The following EXOC6 variants were observed in gnomAD, a reference collection of about 807,000 sequenced individuals.
The protein encoded by EXOC6 is SEC15-like 1.
Under a neutral mutation model 112.5 loss-of-function variants are expected in EXOC6, and 60 were observed. The observed-to-expected ratio is 0.53, with a 90% CI of 0.43 to 0.66. The LOEUF is 0.66. Ranked by LOEUF, EXOC6 falls within the 30% of genes least tolerant of loss-of-function variation. EXOC6 has a pLI of 0.00. For missense variants in EXOC6, 855 were observed against 957.1 expected (o/e 0.89, Z 1.41); for synonymous variants, 295 against 308.0 (o/e 0.96, Z 0.44).
chr10:92,831,314 A>G, upstream of EXOC6: 1 of 1,288,944 alleles, frequency 7.8e-7, no homozygotes, highest in Non-Finnish European at 1.0e-6. Flanking sequence ...GTACCGGAAG[A>G]GGATGAATGT....
At chr10:93,007,902 C>T (rs1322574442) in intron 19 of EXOC6, among the ~76,000 whole-genome samples, 1 of 151,944 alleles carries the variant, frequency 6.6e-6, no homozygotes, top group Non-Finnish European at 1.5e-5. Context: ...AGGCCGGGTG[C>T]GGTGGCTCAC....
rs5787032 is a variant in EXOC6, at chr10:93,051,147, CTT to C, written c.2170-5766_2170-5765del. Among the ~76,000 whole-genome samples, 8 of 146,980 alleles carry C rather than the reference CTT, an allele frequency of 5.4e-5. No individual in the cohort carries two copies. The East Asian group carries it at 5.9e-4, about 11-fold the overall frequency. ...ATTATGTAAATTTTACTGTATTCCT[CTT>C]TTTTTTTTTTCAAATTCCAAACTCA... On this transcript the variant is annotated intron_variant, in intron 20 of 21. Transcript: ENST00000260762.
At chr10:93,025,862 A>G (rs1845002539) in intron 20 of EXOC6, among the ~76,000 whole-genome samples, 1 of 152,208 alleles carries the variant, frequency 6.6e-6, no homozygotes, top group Non-Finnish European at 1.5e-5. Flanking sequence ...CCAGTACCTC[A>G]AAAGAGAGCC....
At chr10:92,954,450 C>T (rs1250464966) in intron 15 of EXOC6, among the ~76,000 whole-genome samples, 180 bp from the exon 16 acceptor site, 2 of 152,000 alleles carry the variant, frequency 1.3e-5, no homozygotes, top group Non-Finnish European at 2.9e-5. Context: ...TGGAAAATGT[C>T]CCTTTTGCAA....
At chr10:93,009,420 T>TTA (rs550048872) in intron 19 of EXOC6, among the ~76,000 whole-genome samples, 45 of 152,330 alleles carry the variant, frequency 3.0e-4, no homozygotes, top group African/African-American at 8.9e-4. Context: ...TGAATACTCA[T>TTA]TATAAGTCAG....
rs181568338 is a variant in EXOC6, at chr10:92,918,005, T to G, written c.820-1977T>G. Among the ~76,000 whole-genome samples the G allele has an allele frequency of 3.9e-3, 594 of 152,132 alleles. 3 individuals are homozygous for G. Among genetic ancestry groups the G allele is most frequent in the African/African-American group, 0.013 (549 of 41,516 alleles). On this transcript the variant is annotated intron_variant, in intron 7 of 21. Coordinates refer to ENST00000260762, the MANE Select transcript of EXOC6 (RefSeq NM_019053.6). ...TTTCCTACAAAAAATACAAAAAAATTGCCAGGCATAGTGCCTGTATTCCCA... is the reference window on the plus strand; with the variant it reads ...TTTCCTACAAAAAATACAAAAAAATGGCCAGGCATAGTGCCTGTATTCCCA...
At chr10:92,851,676 A>AC (rs1489216737) in intron 1 of EXOC6, among the ~76,000 whole-genome samples, 9 of 151,956 alleles carry the variant, frequency 5.9e-5, no homozygotes, top group African/African-American at 2.2e-4. Flanking sequence ...AAACAAACAA[A>AC]AAAAAAACAA....
chr10:92,957,791 A>G (rs1045527976), intron 17 of EXOC6, among the ~76,000 whole-genome samples: 9 of 152,220 alleles, frequency 5.9e-5, no homozygotes, highest in Non-Finnish European at 1.2e-4. Flanking sequence ...TGTTAAATCA[A>G]TATTAAAGTG....
rs774517311 is a variant in EXOC6, at chr10:92,934,319, G to T, written c.1029G>T (p.Val343=). Residue 343 remains valine, a synonymous_variant, in exon 11 of 22, where the codon GTG becomes GTT. Transcript: ENST00000260762. ...TAATTACTGTTTTTAGGTTCTTTGT[G>T]GTAGAAGATCACATTTTACATGTGA... The part of the protein sequence containing the change: ...RYFTQIVGFF[V]VEDHILHVTQ... 3.8e-6 allele frequency: 6 copies of T among 1,578,230 alleles called. 1 individual carries two copies. The South Asian group carries it at 4.8e-5, about 13-fold the overall frequency.
intron 1 of EXOC6, among the ~76,000 whole-genome samples, chr10:92,864,916 A>G (rs1374632496): frequency 6.6e-6 from 1 of 152,036 alleles, no homozygotes; most frequent in Non-Finnish European, 1.5e-5. Flanking sequence ...TCCTGTAATA[A>G]ATCTTTTATA....
chr10:92,868,812 CCTCT>C (rs1167892944), intron 1 of EXOC6, among the ~76,000 whole-genome samples: 1 of 150,228 alleles, frequency 6.7e-6, no homozygotes, highest in Non-Finnish European at 1.5e-5. Flanking sequence ...TCCCTCCCTC[CCTCT>C]TTTTTTTTTT....
chr10:93,043,155 TTGAACTTC>T (rs1474672697), intron 20 of EXOC6, among the ~76,000 whole-genome samples: 2 of 152,066 alleles, frequency 1.3e-5, no homozygotes, highest in African/African-American at 2.4e-5. Context: ...CAGGCTGGTC[TTGAACTTC>T]TGACCTCGTG....
At chr10:92,995,536 T>C (rs910562874) in intron 18 of EXOC6, among the ~76,000 whole-genome samples, 12 of 152,200 alleles carry the variant, frequency 7.9e-5, no homozygotes, top group African/African-American at 2.9e-4. Flanking sequence ...CACTAGTTGT[T>C]CCATTAGGTC....
chr10:92,940,733 G>A lies in EXOC6; in HGVS notation c.1219G>A (p.Gly407Ser), dbSNP rs1387800528. 2 of 1,544,252 alleles carry A rather than the reference G, an allele frequency of 1.3e-6. No homozygotes were observed. Among genetic ancestry groups the A allele is most frequent in the Non-Finnish European group, 1.8e-6 (2 of 1,135,410 alleles). ...TTTTTTTTTTGTATTTTAGGGTTAT[G>A]GTTTTCCAGTGAACCGACTTTTTGA... is the stretch of plus-strand genomic sequence containing the variant. ...VIFADTLQGY[G>S]FPVNRLFDLL... Residue 407 changes from glycine to serine, a missense_variant, in exon 13 of 22, where the codon GGT becomes AGT. Coordinates refer to ENST00000260762, the MANE Select transcript of EXOC6 (RefSeq NM_019053.6).
chr10:92,909,635 A>T lies in EXOC6; in HGVS notation c.663+4A>T, dbSNP rs1426093421. The T allele has an allele frequency of 6.4e-7, 1 of 1,562,964 alleles. No homozygotes were observed. The highest frequency in any genetic ancestry group is 8.8e-7 in the Non-Finnish European group (1 of 1,142,654). On this transcript the variant is annotated splice_donor_region_variant and intron_variant, in intron 6 of 21. Coordinates refer to ENST00000260762, the MANE Select transcript of EXOC6 (RefSeq NM_019053.6). ...AGGTGAAACAGCAATGAAACAGGTG[A>T]GATTAAAAATAATTTTGATTTAATA...
At chr10:92,841,478 C>A (rs570210371) in intron 1 of EXOC6, among the ~76,000 whole-genome samples, 8 of 152,208 alleles carry the variant, frequency 5.3e-5, no homozygotes, top group Admixed American at 4.6e-4. Context: ...AATAGTATAG[C>A]GTTCTACATA....
chr10:92,852,150 T>C (rs1046169483), intron 1 of EXOC6, among the ~76,000 whole-genome samples: 1 of 152,204 alleles, frequency 6.6e-6, no homozygotes, highest in African/African-American at 2.4e-5. Flanking sequence ...AGTTGAAAGA[T>C]ACAAAGTATT....
In EXOC6 at chr10:92,887,420, G is replaced by A. The variant is rs187343642; in HGVS notation, c.102-5929G>A. Among the ~76,000 whole-genome samples the A allele has an allele frequency of 3.9e-3, 551 of 142,598 alleles. 7 individuals carry two copies. Among genetic ancestry groups the A allele is most frequent in the African/African-American group, 0.014 (528 of 38,490 alleles). The allele number at this position is 142,598 out of a possible 152,430, so 93.5% of individuals were successfully genotyped here. ...TTTTTTTTTTTTTTTTTTTGGAGAC[G>A]GAGTTTCGTTCTTATCGCCCAGGCT... On this transcript the variant is annotated intron_variant, in intron 1 of 21. Transcript: ENST00000260762.
At chr10:92,965,429 A>G (rs1842006245) in intron 17 of EXOC6, among the ~76,000 whole-genome samples, 1 of 152,128 alleles carries the variant, frequency 6.6e-6, no homozygotes, top group Admixed American at 6.6e-5. Flanking sequence ...TTCCTTAACA[A>G]ACAAAGGAAG....
Sources: gnomAD v4.1 joint callset for allele counts (sites outside exome capture counted in the v4.1 genomes callset) on GRCh38, gnomAD v4.1.1 for gene constraint, MANE v1.5 for transcripts, NCBI Gene and HGNC (gene_info 2026-07-23, HGNC 2026-07-21) for gene names.